Variants in ZNF639 observed in about 807,000 individuals in gnomAD.
ZNF639 encodes the protein zinc finger protein 639.
A neutral mutation model predicts 39.8 loss-of-function variants in ZNF639; 20 were observed. The observed-to-expected ratio is 0.50, with a 90% CI of 0.35 to 0.73. ZNF639 has a LOEUF of 0.73. Ranked by LOEUF, ZNF639 falls within the 30% of genes least tolerant of loss-of-function variation. The pLI is 0.00. For synonymous variants in ZNF639, 176 were observed against 189.8 expected (o/e 0.93, Z 0.60); for missense variants, 477 against 566.2 (o/e 0.84, Z 1.60).
Position 179,323,159 on chromosome 3 carries a change from G to C in ZNF639, c.-215G>C. The C allele has an allele frequency of 1.0e-6, 1 of 984,590 alleles. No homozygotes were observed. The highest frequency in any genetic ancestry group is 1.2e-6 in the Non-Finnish European group (1 of 829,690). 61.0% of individuals were successfully genotyped at this position (984,590 alleles called of 1,614,324 possible). A position where few individuals can be genotyped will look rare whatever the true frequency, so the allele number is the denominator to read the frequency against. On this transcript the variant is annotated 5_prime_UTR_variant, in exon 1 of 6. Coordinates refer to ENST00000496856, the MANE Select transcript of ZNF639 (RefSeq NM_001303426.2). ...AGGGGTCGGCCCAGCACAGCGTCCG[G>C]GAGCGCTAGGGCCGGAGCAGCGCTG...
intron 2 of ZNF639, 154 bp from the exon 3 acceptor site, chr3:179,328,129 A>G (rs1049023661): frequency 4.2e-6 from 2 of 477,476 alleles, no homozygotes; most frequent in Non-Finnish European, 7.4e-6. Context: ...TCTGAAATAC[A>G]AACAGAGGCA....
In ZNF639 at chr3:179,338,146, T is replaced by C. The variant is rs1711621842; in HGVS notation, c.*3724T>C. 6.6e-6 allele frequency: 1 copy of C among 151,082 alleles called. No individual in the cohort carries two copies. Among genetic ancestry groups the C allele is most frequent in the East Asian group, 2.0e-4 (1 of 5,114 alleles). 9.4% of individuals were successfully genotyped at this position (151,082 alleles called of 1,614,324 possible). On this transcript the variant is annotated 3_prime_UTR_variant, in exon 6 of 6. Coordinates refer to ENST00000496856, the MANE Select transcript of ZNF639 (RefSeq NM_001303426.2). ...ACACTCCTGGTTTTGTTTTGTTTTT[T>C]GTTTTGTTTTACTTCAGAGACAGAC...
Position 179,329,554 on chromosome 3 carries a change from C to G in ZNF639, c.59-64C>G. On this transcript the variant is annotated intron_variant, in intron 3 of 5. Transcript: ENST00000496856. ...AAGAACATTTGTATAAGTTAGATAA[C>G]GGGAAGTTTCTCATTAAATATGTAT... 3.5e-6 allele frequency: 3 copies of G among 860,860 alleles called. No individual in the cohort carries two copies. The South Asian group carries it at 4.6e-5, about 13-fold the overall frequency. The allele number at this position is 860,860 out of a possible 1,614,324, so 53.3% of individuals were successfully genotyped here.
Position 179,329,602 on chromosome 3 carries a change from T to C in ZNF639, c.59-16T>C. On this transcript the variant is annotated splice_polypyrimidine_tract_variant and intron_variant, in intron 3 of 5. Coordinates refer to ENST00000496856, the MANE Select transcript of ZNF639 (RefSeq NM_001303426.2). ...TATGTTTACTGTACTTGAAATATTTTTCATTTTATGTTCAGATTCCTCTGG... is the reference window on the plus strand; with the variant it reads ...TATGTTTACTGTACTTGAAATATTTCTCATTTTATGTTCAGATTCCTCTGG... The C allele has an allele frequency of 6.8e-7, 1 of 1,476,608 alleles. No individual in the cohort carries two copies. The highest frequency in any genetic ancestry group is 9.4e-7 in the Non-Finnish European group (1 of 1,062,438). The allele number at this position is 1,476,608 out of a possible 1,614,324, so 91.5% of individuals were successfully genotyped here. A position where few individuals can be genotyped will look rare whatever the true frequency, so the allele number is the denominator to read the frequency against.
chr3:179,329,980 T>G, intron 4 of ZNF639: 1 of 227,726 alleles, frequency 4.4e-6, no homozygotes, highest in Non-Finnish European at 8.6e-6. Flanking sequence ...CAGCGCGATC[T>G]TGGCTCACTG....
In ZNF639 at chr3:179,334,246, G is replaced by A. The variant is rs777237115; in HGVS notation, c.1282G>A (p.Glu428Lys). 1 of 1,612,410 alleles carries A rather than the reference G, an allele frequency of 6.2e-7. No homozygotes were observed. The change falls in exon 6 of 6, where the codon GAA becomes AAA. Residue 428 changes from glutamate to lysine, a missense_variant. Transcript: ENST00000496856. ...CAAGCATTTAAATTCACATTTATCT[G>A]AAGGGATTTATTTATGTCAATATTG... ...YCKHLNSHLS[E>K]GIYLCQYCEY...
upstream of ZNF639, chr3:179,322,946 C>T (rs991069180): frequency 1.0e-6 from 1 of 985,054 alleles, no homozygotes; most frequent in Non-Finnish European, 1.2e-6. Context: ...TGGTCCCTCC[C>T]AGGCCGCGTG....
Position 179,334,445 on chromosome 3 carries a change from T to A in ZNF639, c.*23T>A. 1 of 1,471,272 alleles carries A rather than the reference T, an allele frequency of 6.8e-7. No individual in the cohort carries two copies. The highest frequency in any genetic ancestry group is 9.0e-7 in the Non-Finnish European group (1 of 1,108,138). The allele number at this position is 1,471,272 out of a possible 1,614,324, so 91.1% of individuals were successfully genotyped here. On this transcript the variant is annotated 3_prime_UTR_variant, in exon 6 of 6. Transcript: ENST00000496856. Reference sequence around the variant, plus strand: ...TGATTATTCTCTTTAACTTACAGAATGTTAGTTTAAAATAATAAATTCATC... The same window carrying A: ...TGATTATTCTCTTTAACTTACAGAAAGTTAGTTTAAAATAATAAATTCATC...
chr3:179,324,936 A>G (rs1727502431), intron 1 of ZNF639: 2 of 152,124 alleles, frequency 1.3e-5, no homozygotes, highest in African/African-American at 4.8e-5. Flanking sequence ...TCTCTTTTTG[A>G]TTTTTGAATG....
rs950083087 is a variant in ZNF639, at chr3:179,334,055, A to C, written c.1091A>C (p.Lys364Thr). The C allele has an allele frequency of 1.8e-5, 29 of 1,613,732 alleles. No homozygotes were observed. Among genetic ancestry groups the C allele is most frequent in the Non-Finnish European group, 2.5e-5 (29 of 1,179,880 alleles). The change falls in exon 6 of 6, where the codon AAA becomes ACA. Residue 364 changes from lysine to threonine, a missense_variant. Transcript: ENST00000496856. ...CATGGACAGTATAGCCTCTTAAGCA[A>C]AATTACCTTTGACAAATGTAAAAAC... Reference protein sequence around the residue: ...GEHGQYSLLSKITFDKCKNFF... With the variant: ...GEHGQYSLLSTITFDKCKNFF...
At chr3:179,326,622 T>C (rs760595406) in intron 1 of ZNF639, among the ~76,000 whole-genome samples, 9 of 151,902 alleles carry the variant, frequency 5.9e-5, no homozygotes, top group Admixed American at 1.3e-4. Context: ...TTTTTTTGTT[T>C]TGTTTTGATT....
At position 179,333,065 on chromosome 3, in the gene ZNF639, G is replaced by A; in HGVS notation, c.246G>A (p.Gln82=). 6.3e-7 allele frequency: 1 copy of A among 1,582,488 alleles called. No individual in the cohort carries two copies. The highest frequency in any genetic ancestry group is 8.6e-7 in the Non-Finnish European group (1 of 1,162,780). Residue 82 remains glutamine (Q), a synonymous_variant, in exon 5 of 6, where the codon CAG becomes CAA. Transcript: ENST00000496856. The stretch of plus-strand genomic sequence containing the variant: ...GAATCAAGGCCAGAAACAGAAATCA[G>A]AACTACCTGGTTCCCAGTCCTGTAC... ...ADGIKARNRN[Q]NYLVPSPVLR...
In ZNF639 at chr3:179,335,862, C is replaced by T. The variant is rs914224843; in HGVS notation, c.*1440C>T. On this transcript the variant is annotated 3_prime_UTR_variant, in exon 6 of 6. Coordinates refer to ENST00000496856, the MANE Select transcript of ZNF639 (RefSeq NM_001303426.2). Reference sequence around the variant, plus strand: ...CTGGAGTACAGTGGCGCGATCTCAGCTCATTGCAACCTCCGCCTCCCAGGT... The same window carrying T: ...CTGGAGTACAGTGGCGCGATCTCAGTTCATTGCAACCTCCGCCTCCCAGGT... 2.7e-5 allele frequency: 4 copies of T among 150,924 alleles called. No individual in the cohort carries two copies. The highest frequency in any genetic ancestry group is 9.8e-5 in the African/African-American group (4 of 40,960). The allele number at this position is 150,924 out of a possible 1,614,324, so 9.3% of individuals were successfully genotyped here.
rs1295876015 is a variant in ZNF639, at chr3:179,334,392, A to G, written c.1428A>G (p.Ile476Met). ...LMRFGNERELISHLPVHETT is the reference protein window; with the variant it reads ...LMRFGNERELMSHLPVHETT ...GGTTTGGAAATGAAAGGGAATTAATAAGTCACCTTCCAGTCCATGAGACAA... is the reference window on the plus strand; with the variant it reads ...GGTTTGGAAATGAAAGGGAATTAATGAGTCACCTTCCAGTCCATGAGACAA... Residue 476 changes from isoleucine (I) to methionine (M), a missense_variant, in exon 6 of 6, where the codon ATA becomes ATG. By Grantham distance (10) the Ile-to-Met change is conservative. Coordinates refer to ENST00000496856, the MANE Select transcript of ZNF639 (RefSeq NM_001303426.2). The G allele has an allele frequency of 6.4e-7, 1 of 1,572,656 alleles. No homozygotes were observed. The highest frequency in any genetic ancestry group is 8.6e-7 in the Non-Finnish European group (1 of 1,160,674).
At chr3:179,324,097 T>C (rs1727443171) in intron 1 of ZNF639, among the ~76,000 whole-genome samples, 1 of 152,232 alleles carries the variant, frequency 6.6e-6, no homozygotes, top group Non-Finnish European at 1.5e-5. Context: ...ATTTAAAGCA[T>C]ATGCTTATTT....
chr3:179,328,469 A>G, intron 3 of ZNF639, 118 bp downstream of exon 3: 1 of 628,240 alleles, frequency 1.6e-6, no homozygotes, highest in South Asian at 2.4e-5. Flanking sequence ...TATTTAGGTA[A>G]AACAACGGTT....
chr3:179,329,253 C>T (rs566156560), intron 3 of ZNF639, among the ~76,000 whole-genome samples: 1 of 152,240 alleles, frequency 6.6e-6, no homozygotes, highest in South Asian at 2.1e-4. Flanking sequence ...TTACCATTTC[C>T]CCTATGTAAC....
chr3:179,335,762 C>T lies in ZNF639; in HGVS notation c.*1340C>T, dbSNP rs1711510053. The T allele has an allele frequency of 6.8e-6, 1 of 146,510 alleles. No homozygotes were observed. The highest frequency in any genetic ancestry group is 7.1e-5 in the Admixed American group (1 of 14,044). 9.1% of individuals were successfully genotyped at this position (146,510 alleles called of 1,614,324 possible). Reference sequence around the variant, plus strand: ...GTTCTCCCTGTGTGCAAGTCTGTCCCCCAAATTTCCTCTTTTTTTTTTTTT... The same window carrying T: ...GTTCTCCCTGTGTGCAAGTCTGTCCTCCAAATTTCCTCTTTTTTTTTTTTT... On this transcript the variant is annotated 3_prime_UTR_variant, in exon 6 of 6. Transcript: ENST00000496856.
chr3:179,328,275 T>C lies in ZNF639; in HGVS notation c.-11-8T>C, dbSNP rs376426269. On this transcript the variant is annotated splice_region_variant and splice_polypyrimidine_tract_variant and intron_variant, in intron 2 of 5. Coordinates refer to ENST00000496856, the MANE Select transcript of ZNF639 (RefSeq NM_001303426.2). ...TGACATATTTGTTAATTTTTTCTCG[T>C]TTTTTAGATTGAAAAGATATGAATG... 2.0e-6 allele frequency: 3 copies of C among 1,511,996 alleles called. No individual in the cohort carries two copies. In the African/African-American group the frequency reaches 4.2e-5, roughly 21 times the overall value. The allele number at this position is 1,511,996 out of a possible 1,614,324, so 93.7% of individuals were successfully genotyped here.
Sources: allele counts gnomAD v4.1 joint callset (sites outside exome capture counted in the v4.1 genomes callset), GRCh38; gene constraint gnomAD v4.1.1; transcripts MANE v1.5; gene names NCBI Gene and HGNC (gene_info 2026-07-23, HGNC 2026-07-21).